Variants in SCD5 observed in about 807,000 individuals in gnomAD.
SCD5 encodes the protein acyl-CoA-desaturase 4.
Under a neutral mutation model 30.4 loss-of-function variants are expected in SCD5, and 20 were observed. That is an observed-to-expected ratio of 0.66 (90% confidence interval 0.46 to 0.96). The LOEUF is 0.96. Among genes scored for constraint, SCD5 ranks in the 40% least tolerant of loss-of-function variants. The probability of loss-of-function intolerance (pLI) is 0.00; values close to 1 mark genes in which losing one functional copy is unlikely to be tolerated. For missense variants in SCD5, 381 were observed against 443.3 expected, an observed-to-expected ratio of 0.86 and a Z score of 1.26; for synonymous variants, 173 against 176.4, an observed-to-expected ratio of 0.98 and a Z score of 0.16.
chr4:82,651,541 A>C (rs1236606124), intron 3 of SCD5, among the ~76,000 whole-genome samples: 1 of 152,152 alleles, frequency 6.6e-6, no homozygotes, highest in Non-Finnish European at 1.5e-5. Context: ...GGGTGCACCA[A>C]AATCTCAGAA....
chr4:82,665,591 T>A (rs913118401), intron 3 of SCD5, among the ~76,000 whole-genome samples: 14 of 152,098 alleles, frequency 9.2e-5, no homozygotes, highest in African/African-American at 3.4e-4. Context: ...GAATTTTATG[T>A]CTGGTAAAAA....
intron 1 of SCD5, among the ~76,000 whole-genome samples, chr4:82,748,281 T>C (rs1443424317): frequency 2.0e-5 from 3 of 151,986 alleles, no homozygotes; most frequent in Admixed American, 1.3e-4. Context: ...CCTGGGAGAA[T>C]TGATAGACTC....
intron 2 of SCD5, among the ~76,000 whole-genome samples, chr4:82,697,647 G>C (rs916967232): frequency 2.6e-5 from 4 of 152,102 alleles, no homozygotes; most frequent in Admixed American, 1.3e-4. Flanking sequence ...ACCTTAATAG[G>C]TTCATTTTTG....
intron 1 of SCD5, among the ~76,000 whole-genome samples, chr4:82,728,827 T>C (rs1720565350): frequency 6.6e-6 from 1 of 152,194 alleles, no homozygotes; most frequent in Non-Finnish European, 1.5e-5. Flanking sequence ...AAACTCTTTC[T>C]CTACTGCAAT....
At chr4:82,634,007 T>G (rs905314989) in intron 4 of SCD5, among the ~76,000 whole-genome samples, 5 of 152,234 alleles carry the variant, frequency 3.3e-5, no homozygotes, top group Admixed American at 3.3e-4. Context: ...TCATACAATA[T>G]GTAGTCCTTT....
At chr4:82,784,971 G>C (rs1721955330) in intron 1 of SCD5, among the ~76,000 whole-genome samples, 1 of 152,168 alleles carries the variant, frequency 6.6e-6, no homozygotes, top group African/African-American at 2.4e-5. Context: ...AACTAGTAGA[G>C]CCACAGTGGA....
chr4:82,659,086 T>C (rs1727930188), intron 3 of SCD5, among the ~76,000 whole-genome samples: 1 of 152,204 alleles, frequency 6.6e-6, no homozygotes, highest in Non-Finnish European at 1.5e-5. Context: ...TTCAGGAATT[T>C]ATCCATTTCT....
At chr4:82,643,885 T>A (rs1398135354) in intron 3 of SCD5, among the ~76,000 whole-genome samples, 5 of 152,216 alleles carry the variant, frequency 3.3e-5, no homozygotes, top group African/African-American at 1.2e-4. Context: ...CAAAGTTGCC[T>A]CTTCAGGCTG....
At chr4:82,681,496 T>C (rs529320823) in intron 2 of SCD5, among the ~76,000 whole-genome samples, 1 of 152,136 alleles carries the variant, frequency 6.6e-6, no homozygotes, top group Non-Finnish European at 1.5e-5. Flanking sequence ...GGGACATGGA[T>C]GGAGCTGGGG....
At chr4:82,752,489 C>T (rs1721125972) in intron 1 of SCD5, among the ~76,000 whole-genome samples, 1 of 152,106 alleles carries the variant, frequency 6.6e-6, no homozygotes, top group South Asian at 2.1e-4. Flanking sequence ...AAACCAAAAG[C>T]TGTCACTATA....
chr4:82,685,610 G>A (rs1297629822), intron 2 of SCD5, among the ~76,000 whole-genome samples: 1 of 150,008 alleles, frequency 6.7e-6, no homozygotes, highest in Non-Finnish European at 1.5e-5. Context: ...CTACTCGGGA[G>A]ACTGAGGCAT....
intron 1 of SCD5, among the ~76,000 whole-genome samples, chr4:82,730,702 C>T (rs1374314689): frequency 6.6e-6 from 1 of 150,886 alleles, no homozygotes; most frequent in African/African-American, 2.4e-5. Context: ...TCTCCTGCCT[C>T]AGCCTCCCGA....
At chr4:82,660,444 T>G in intron 3 of SCD5, 1 of 748,888 alleles carries the variant, frequency 1.3e-6, no homozygotes, top group Non-Finnish European at 1.5e-6. Flanking sequence ...CTTACAAAAA[T>G]AATCAACGTG....
intron 1 of SCD5, among the ~76,000 whole-genome samples, chr4:82,768,901 C>T (rs899209009): frequency 1.3e-5 from 2 of 150,432 alleles, no homozygotes; most frequent in Admixed American, 6.6e-5. Context: ...AGCTCTGCAT[C>T]AATTTTTCAG....
intron 2 of SCD5, among the ~76,000 whole-genome samples, chr4:82,689,645 C>G (rs1019595691): frequency 6.6e-6 from 1 of 152,136 alleles, no homozygotes; most frequent in African/African-American, 2.4e-5. Flanking sequence ...AGGCAAGAAT[C>G]CCCAATGTTT....
chr4:82,700,714 G>C (rs1450875254), intron 2 of SCD5, among the ~76,000 whole-genome samples: 4 of 143,522 alleles, frequency 2.8e-5, no homozygotes, highest in Admixed American at 1.5e-4. Flanking sequence ...TTAAGCCCAG[G>C]AGTTCAAGGC....
At chr4:82,661,312 A>G (rs1395418042) in intron 3 of SCD5, among the ~76,000 whole-genome samples, 1 of 152,244 alleles carries the variant, frequency 6.6e-6, no homozygotes, top group African/African-American at 2.4e-5. Context: ...CAGCCTGCAC[A>G]TGACTAATCT....
At chr4:82,726,558 G>GTTT (rs11382675) in intron 1 of SCD5, among the ~76,000 whole-genome samples, 40 of 146,538 alleles carry the variant, frequency 2.7e-4, no homozygotes, top group South Asian at 1.1e-3. Context: ...GAAAGCAGCT[G>GTTT]TTTTTTTTTT....
intron 1 of SCD5, among the ~76,000 whole-genome samples, chr4:82,759,420 G>A (rs901160567): frequency 2.8e-4 from 42 of 152,102 alleles, no homozygotes; most frequent in African/African-American, 8.5e-4. Flanking sequence ...TGGAACCAAC[G>A]GGAGCTTGGC....
Sources: gnomAD v4.1 joint callset for allele counts (sites outside exome capture counted in the v4.1 genomes callset) on GRCh38, gnomAD v4.1.1 for gene constraint, MANE v1.5 for transcripts, NCBI Gene and HGNC (gene_info 2026-07-23, HGNC 2026-07-21) for gene names.